The following EVPL variants were observed in gnomAD, a reference collection of about 807,000 sequenced individuals.
EVPL encodes the protein envoplakin.
EVPL carries 94 observed loss-of-function variants against 129.7 expected under a neutral mutation model. The observed-to-expected ratio is 0.72, with a 90% CI of 0.61 to 0.86. EVPL has a LOEUF of 0.86. Ranked by LOEUF, EVPL falls within the 40% of genes least tolerant of loss-of-function variation. The pLI, the probability that EVPL is intolerant of heterozygous loss-of-function variation, is 0.00. For synonymous variants in EVPL, 1,172 were observed against 1,191.1 expected, an observed-to-expected ratio of 0.98 and a Z score of 0.33; for missense variants, 2,625 against 2,721.1, an observed-to-expected ratio of 0.96 and a Z score of 0.79.
intron 10 of EVPL, 146 bp from the exon 11 acceptor site, chr17:76,019,206 G>C (rs2066440667): frequency 1.1e-6 from 1 of 886,368 alleles, no homozygotes; most frequent in African/African-American, 1.8e-5. Flanking sequence ...CCCCTCTCTG[G>C]GGGACCTAGG....
In EVPL at chr17:76,024,829, G is replaced by T. The variant is rs2066487844; in HGVS notation, c.99-709C>A. Among the ~76,000 whole-genome samples the T allele has an allele frequency of 6.6e-6, 1 of 152,172 alleles. No individual in the cohort carries two copies. Among genetic ancestry groups the T allele is most frequent in the African/African-American group, 2.4e-5 (1 of 41,440 alleles). On this transcript the variant is annotated intron_variant, in intron 1 of 21. Coordinates refer to ENST00000301607, the MANE Select transcript of EVPL (RefSeq NM_001988.4). This position sits in a 1 kb window ranked among gnomAD's most constrained non-coding sequence, Gnocchi z 4.5. ...ACCCCAGGGCTTTTTCTGTGCATTC[G>T]CCCTGCAGCCTCCATAGAGCACCTG...
At position 76,022,408 on chromosome 17, in the gene EVPL, C is replaced by T; in HGVS notation, c.606+5G>A. The T allele has an allele frequency of 1.2e-6, 2 of 1,613,648 alleles. No homozygotes were observed. Among genetic ancestry groups the T allele is most frequent in the Admixed American group, 1.7e-5 (1 of 60,006 alleles). ...CCGGATGTGACATCCTCCAGGCTCA[C>T]CTACCGGCCCCACGAGGCTCCGCAG... On this transcript the variant is annotated splice_donor_5th_base_variant and intron_variant, in intron 5 of 21. Coordinates refer to ENST00000301607, the MANE Select transcript of EVPL (RefSeq NM_001988.4). This position sits in a 1 kb window ranked among gnomAD's most constrained non-coding sequence, Gnocchi z 5.6.
chr17:76,020,738 A>G (rs2066451764), intron 9 of EVPL, among the ~76,000 whole-genome samples: 1 of 151,586 alleles, frequency 6.6e-6, no homozygotes, highest in Non-Finnish European at 1.5e-5. Context: ...ATCTATTTGT[A>G]TAGAGACAGG....
Position 76,006,861 on chromosome 17 carries a change from T to G in EVPL, c.*242A>C. 2.6e-6 allele frequency: 1 copy of G among 387,726 alleles called. No homozygotes were observed. Among genetic ancestry groups the G allele is most frequent in the Non-Finnish European group, 4.5e-6 (1 of 220,710 alleles). 24.0% of individuals were successfully genotyped at this position (387,726 alleles called of 1,614,324 possible). A position where few individuals can be genotyped will look rare whatever the true frequency, so the allele number is the denominator to read the frequency against. On this transcript the variant is annotated 3_prime_UTR_variant, in exon 22 of 22. Coordinates refer to ENST00000301607, the MANE Select transcript of EVPL (RefSeq NM_001988.4). The stretch of plus-strand genomic sequence containing the variant: ...CACCACATGGCACGGGGAGACAGAA[T>G]TCGTTTATTGGGATCACTGGGTGGA...
At chr17:76,018,015 G>A in intron 13 of EVPL, 104 bp from the exon 14 acceptor site, 1 of 1,550,412 alleles carries the variant, frequency 6.4e-7, no homozygotes, top group Non-Finnish European at 8.7e-7. Context: ...TAGGGTGGAG[G>A]GGATGGGCAG....
Position 76,017,606 on chromosome 17 carries a change from GCCCGGGTCTGT to G in EVPL, c.1710+122_1710+132del. 11 of 1,274,238 alleles carry G rather than the reference GCCCGGGTCTGT, an allele frequency of 8.6e-6. No individual in the cohort carries two copies. The South Asian group carries it at 1.5e-4, about 17-fold the overall frequency. The allele number at this position is 1,274,238 out of a possible 1,614,324, so 78.9% of individuals were successfully genotyped here. On this transcript the variant is annotated intron_variant, in intron 14 of 21. Transcript: ENST00000301607. Reference sequence around the variant, plus strand: ...CCAGGAGGGGAACCAGCTTGTCTGAGCCCGGGTCTGTCCACACCCTTCTCCATCTCCATCCC... The same window carrying G: ...CCAGGAGGGGAACCAGCTTGTCTGAGCCACACCCTTCTCCATCTCCATCCC...
At chr17:76,014,618 C>T (rs373474384) in intron 17 of EVPL, 42 bp from the exon 18 acceptor site, 86 of 1,594,676 alleles carry the variant, frequency 5.4e-5, no homozygotes, top group Non-Finnish European at 7.2e-5. Context: ...AGACCTGCCC[C>T]GTGGGGACAG....
chr17:76,018,300 C>T, intron 12 of EVPL, 42 bp from the exon 13 acceptor site: 1 of 1,521,056 alleles, frequency 6.6e-7, no homozygotes, highest in Non-Finnish European at 8.8e-7. Context: ...CCCCACTCTG[C>T]CTCTCTCCCT....
Position 76,009,166 on chromosome 17 carries a change from CG to C in EVPL, c.4038del (p.Ala1347ArgfsTer45), listed in dbSNP as rs1169366369. On this transcript the variant is annotated frameshift_variant, in exon 22 of 22. Coordinates refer to ENST00000301607, the MANE Select transcript of EVPL (RefSeq NM_001988.4). LOFTEE classifies it low-confidence loss of function (END_TRUNC). This position sits in a 1 kb window ranked among gnomAD's most constrained non-coding sequence, Gnocchi z 5.9. ...TGCAGCTCGTACACCGCGTCCTCCG[CG>C]GCCCGCCTCTTCTGGGCCGCCTCCC... ...EVREAAQKRR[A>X]AEDAVYELQS... is the part of the protein sequence containing the mutation. 6.2e-7 allele frequency: 1 copy of C among 1,607,424 alleles called. No individual in the cohort carries two copies. The highest frequency in any genetic ancestry group is 1.3e-5 in the African/African-American group (1 of 74,920).
Position 76,022,166 on chromosome 17 carries a change from G to C in EVPL, c.645+23C>G, listed in dbSNP as rs766586196. On this transcript the variant is annotated intron_variant, in intron 6 of 21. Coordinates refer to ENST00000301607, the MANE Select transcript of EVPL (RefSeq NM_001988.4). The surrounding 1 kb of genome is among the most constrained non-coding windows in gnomAD (Gnocchi z 5.6). ...ACCCAGGCCCACCCGCAGCCTCCCT[G>C]CCCGACCCTCCCTCCTGCTCACCAG... The C allele has an allele frequency of 6.2e-7, 1 of 1,611,352 alleles. No homozygotes were observed. The highest frequency in any genetic ancestry group is 2.2e-5 in the East Asian group (1 of 44,842).
Position 76,019,569 on chromosome 17 carries a change from C to T in EVPL, c.1096G>A (p.Gly366Ser). The change falls in exon 10 of 22, where the codon GGC becomes AGC. Residue 366 changes from glycine to serine, a missense_variant. By Grantham distance (56) the Gly-to-Ser change is moderately conservative (BLOSUM62 0). Transcript: ENST00000301607. ...LDAKYSPAPG[G>S]PPGAPTELLQ... is the part of the protein sequence containing the mutation. ...AGCTCTGTGGGGGCGCCAGGGGGGCCCCCAGGTGCAGGGCTGTACTTGGCA... is the reference window on the plus strand; with the variant it reads ...AGCTCTGTGGGGGCGCCAGGGGGGCTCCCAGGTGCAGGGCTGTACTTGGCA... 1 of 1,580,848 alleles carries T rather than the reference C, an allele frequency of 6.3e-7. No individual in the cohort carries two copies. Among genetic ancestry groups the T allele is most frequent in the Non-Finnish European group, 8.6e-7 (1 of 1,168,002 alleles).
rs2144418501 is a variant in EVPL, at chr17:76,015,639, G to A, written c.1711-11C>T. ...GCGCTGGGCTGTGCCCTAAAGAGGG[G>A]CGGGGTCAGGGATCTCTGGGCAGGT... On this transcript the variant is annotated splice_polypyrimidine_tract_variant and intron_variant, in intron 14 of 21. Coordinates refer to ENST00000301607, the MANE Select transcript of EVPL (RefSeq NM_001988.4). The A allele has an allele frequency of 6.2e-7, 1 of 1,609,064 alleles. No individual in the cohort carries two copies. Among genetic ancestry groups the A allele is most frequent in the Non-Finnish European group, 8.5e-7 (1 of 1,177,272 alleles).
Position 76,009,166 on chromosome 17 carries a change from C to T in EVPL, c.4039G>A (p.Ala1347Thr), listed in dbSNP as rs1567907456. 3.1e-6 allele frequency: 5 copies of T among 1,607,424 alleles called. No homozygotes were observed. The highest frequency in any genetic ancestry group is 1.1e-5 in the South Asian group (1 of 91,068). Residue 1347 changes from alanine to threonine, a missense_variant, in exon 22 of 22, where the codon GCG becomes ACG. By Grantham distance (58) the Ala-to-Thr change is moderately conservative. Transcript: ENST00000301607. This position sits in a 1 kb window ranked among gnomAD's most constrained non-coding sequence, Gnocchi z 5.9. ...TGCAGCTCGTACACCGCGTCCTCCGCGGCCCGCCTCTTCTGGGCCGCCTCC... is the reference window on the plus strand; with the variant it reads ...TGCAGCTCGTACACCGCGTCCTCCGTGGCCCGCCTCTTCTGGGCCGCCTCC... The part of the protein sequence containing the change: ...VREAAQKRRA[A>T]EDAVYELQSK...
At chr17:76,023,186 A>G (rs2066474423) in intron 4 of EVPL, 106 bp downstream of exon 4, 2 of 1,551,502 alleles carry the variant, frequency 1.3e-6, no homozygotes, top group Middle Eastern at 2.2e-4. Flanking sequence ...CAGACCCCTG[A>G]GCCACCCCTA....
chr17:76,010,235 C>T lies in EVPL; in HGVS notation c.2970G>A (p.Gln990=). 6.2e-7 allele frequency: 1 copy of T among 1,613,930 alleles called. No homozygotes were observed. Among genetic ancestry groups the T allele is most frequent in the Non-Finnish European group, 8.5e-7 (1 of 1,180,028 alleles). ...TCTGGGCTGCCACTTCCAGGTCTGC[C>T]TGCAGGCCAGCCCGCCGCTTGCCCT... is the stretch of plus-strand genomic sequence containing the variant. ...EEEGKRRAGL[Q]ADLEVAAQKV... is the part of the protein sequence containing the mutation. The change falls in exon 22 of 22, where the codon CAG becomes CAA. Residue 990 remains glutamine (Q), a synonymous_variant. Coordinates refer to ENST00000301607, the MANE Select transcript of EVPL (RefSeq NM_001988.4).
rs1033714325 is a variant in EVPL, at chr17:76,013,112, T to C, written c.2374-1023A>G. On this transcript the variant is annotated intron_variant, in intron 18 of 21. Transcript: ENST00000301607. This position sits in a 1 kb window ranked among gnomAD's most constrained non-coding sequence, Gnocchi z 4.3. ...AGCTCATCCAGAACCATGGCTCCAA[T>C]TGGAAAGTTCTCAATACGGGATGCC... 6.6e-6 allele frequency among the ~76,000 whole-genome samples: 1 copy of C among 152,194 alleles called. No homozygotes were observed. The highest frequency in any genetic ancestry group is 1.5e-5 in the Non-Finnish European group (1 of 68,038).
chr17:76,018,516 TCTC>T lies in EVPL; in HGVS notation c.1366_1368del (p.Glu456del). On this transcript the variant is annotated inframe_deletion, in exon 12 of 22. Coordinates refer to ENST00000301607, the MANE Select transcript of EVPL (RefSeq NM_001988.4). ...AAGCAGGCGGCGGGAGCACGCTTGG[TCTC>T]CCCGCCAGGGCCCTGCACGACCCAG... 1 of 1,612,560 alleles carries T rather than the reference TCTC, an allele frequency of 6.2e-7. No homozygotes were observed. The highest frequency in any genetic ancestry group is 8.5e-7 in the Non-Finnish European group (1 of 1,179,838).
At chr17:76,017,988 A>ACCTCT in intron 13 of EVPL, 77 bp from the exon 14 acceptor site, 1 of 1,590,106 alleles carries the variant, frequency 6.3e-7, no homozygotes, top group South Asian at 1.1e-5. Context: ...AGGTGCCCAC[A>ACCTCT]GAGGGTCCTG....
intron 18 of EVPL, 143 bp downstream of exon 18, chr17:76,014,283 C>G: frequency 8.4e-7 from 1 of 1,193,268 alleles, no homozygotes; most frequent in Non-Finnish European, 1.1e-6. Flanking sequence ...CGTCTGTGGG[C>G]AAAGAGGAGC....
Sources: gnomAD v4.1 joint callset for allele counts (sites outside exome capture counted in the v4.1 genomes callset) on GRCh38, gnomAD v4.1.1 for gene constraint, Gnocchi (gnomAD v3.1) non-coding constraint, MANE v1.5 for transcripts, NCBI Gene and HGNC (gene_info 2026-07-23, HGNC 2026-07-21) for gene names.